RORA: variants seen among roughly 807,000 people sequenced by gnomAD.
RORA encodes RAR related orphan receptor A.
RORA carries 7 observed loss-of-function variants against 69.5 expected under a neutral mutation model. The ratio of observed to expected loss-of-function variants is 0.10; its 90% confidence interval spans 0.06 to 0.19. The LOEUF is 0.19. Ranked by LOEUF, RORA falls within the 10% of genes least tolerant of loss-of-function variation. The probability of loss-of-function intolerance (pLI) is 1.00; values close to 1 mark genes in which losing one functional copy is unlikely to be tolerated. For missense variants in RORA, 457 were observed against 663.0 expected (o/e 0.69, Z 3.41); for synonymous variants, 261 against 240.8 (o/e 1.08, Z -0.78).
intron 2 of RORA, among the ~76,000 whole-genome samples, chr15:60,590,173 CTA>C (rs1041485406): frequency 3.7e-4 from 47 of 127,734 alleles, no homozygotes; most frequent in African/African-American, 1.5e-3. Flanking sequence ...CCCTCTTCCT[CTA>C]TCTCTCTCTC....
At chr15:61,035,092 C>T (rs1011572236) in intron 1 of RORA, among the ~76,000 whole-genome samples, 1 of 152,148 alleles carries the variant, frequency 6.6e-6, no homozygotes, top group Non-Finnish European at 1.5e-5. Flanking sequence ...TATCTTTGTA[C>T]AGTAATTGGG....
intron 1 of RORA, among the ~76,000 whole-genome samples, chr15:61,107,062 G>A (rs1192631559): frequency 6.6e-6 from 1 of 152,178 alleles, no homozygotes; most frequent in East Asian, 1.9e-4. Context: ...CTTGGCCCTG[G>A]CTACATTCAT....
chr15:61,004,079 C>A lies in RORA; in HGVS notation c.166+224974G>T, dbSNP rs542536948. Among the ~76,000 whole-genome samples, 6 of 152,184 alleles carry A rather than the reference C, an allele frequency of 3.9e-5. No homozygotes were observed. In the East Asian group the frequency reaches 5.8e-4, roughly 15 times the overall value. ...CACGCCACAGGGAGCTTCTGTCACA[C>A]GGTTCAGATCCCAGAGTGAAGGGGA... On this transcript the variant is annotated intron_variant, in intron 1 of 10. Transcript: ENST00000335670.
rs1346716809 is a variant in RORA at position 60,490,073 on chromosome 15, T to A, written c.*7382A>T. 1.3e-5 allele frequency: 2 copies of A among 151,890 alleles called. No individual in the cohort carries two copies. The highest frequency in any genetic ancestry group is 2.9e-5 in the Non-Finnish European group (2 of 67,942). The allele number at this position is 151,890 out of a possible 1,614,324, so 9.4% of individuals were successfully genotyped here. A position where few individuals can be genotyped will look rare whatever the true frequency, so the allele number is the denominator to read the frequency against. ...CCTAATTAAATACACTCTAGAATAA[T>A]TTATATAATGATATTATGTATTTAA... On this transcript the variant is annotated 3_prime_UTR_variant, in exon 11 of 11. Coordinates refer to ENST00000335670, the MANE Select transcript of RORA (RefSeq NM_134261.3). This position sits in a 1 kb window ranked among gnomAD's most constrained non-coding sequence, Gnocchi z 4.1.
At chr15:60,544,123 G>A (rs1456436685) in intron 2 of RORA, among the ~76,000 whole-genome samples, 3 of 152,126 alleles carry the variant, frequency 2.0e-5, no homozygotes, top group South Asian at 2.1e-4. Context: ...TGCCTGTAAC[G>A]CTTTGTGACC....
intron 3 of RORA, among the ~76,000 whole-genome samples, chr15:60,519,411 C>G (rs756360661): frequency 6.6e-6 from 1 of 152,148 alleles, no homozygotes; most frequent in Admixed American, 6.5e-5. Context: ...TCAGAGTCCT[C>G]GCTGTAGCAT....
At chr15:60,540,809 C>T (rs2066848492) in intron 2 of RORA, among the ~76,000 whole-genome samples, 1 of 152,150 alleles carries the variant, frequency 6.6e-6, no homozygotes, top group African/African-American at 2.4e-5. Context: ...TTGGAAATAA[C>T]TTAGAACATT....
intron 1 of RORA, among the ~76,000 whole-genome samples, chr15:61,004,434 A>G (rs898861906): frequency 6.0e-5 from 9 of 151,098 alleles, no homozygotes; most frequent in Admixed American, 2.0e-4. Flanking sequence ...TTTTCAGGCC[A>G]TAAGTATTTC....
intron 1 of RORA, among the ~76,000 whole-genome samples, chr15:60,851,014 C>T (rs2073318244): frequency 6.6e-6 from 1 of 152,138 alleles, no homozygotes; most frequent in Non-Finnish European, 1.5e-5. Flanking sequence ...CAGTCTGTTG[C>T]TGAGTGAGTG....
intron 1 of RORA, among the ~76,000 whole-genome samples, chr15:60,738,560 C>A (rs1253161804): frequency 6.6e-6 from 1 of 152,208 alleles, no homozygotes; most frequent in African/African-American, 2.4e-5. Flanking sequence ...TTTATGATAT[C>A]GTTGGTATTA....
intron 1 of RORA, among the ~76,000 whole-genome samples, chr15:61,048,876 A>C (rs935459884): frequency 6.6e-6 from 1 of 152,166 alleles, no homozygotes; most frequent in Admixed American, 6.5e-5. Context: ...GTCAAGGATC[A>C]TCCTGATGCA....
At chr15:60,926,299 G>A (rs1892216865) in intron 1 of RORA, among the ~76,000 whole-genome samples, 1 of 152,200 alleles carries the variant, frequency 6.6e-6, no homozygotes, top group African/African-American at 2.4e-5. Flanking sequence ...AACCTGGAAG[G>A]CACCCTATCT....
intron 6 of RORA, 65 bp from the exon 7 acceptor site, chr15:60,503,732 A>C: frequency 6.3e-7 from 1 of 1,590,494 alleles, no homozygotes; most frequent in East Asian, 2.2e-5. Context: ...CAGAAGCTGC[A>C]GAGTTATGAA....
chr15:60,711,614 C>A (rs529050045), intron 1 of RORA, among the ~76,000 whole-genome samples: 3 of 152,144 alleles, frequency 2.0e-5, no homozygotes, highest in Admixed American at 2.0e-4. Flanking sequence ...TGAGGGTCTC[C>A]TTCCTCTGTC....
At position 60,840,923 on chromosome 15, in the gene RORA, T is replaced by C. The variant is rs149284640; in HGVS notation, c.167-162237A>G. On this transcript the variant is annotated intron_variant, in intron 1 of 10. Coordinates refer to ENST00000335670, the MANE Select transcript of RORA (RefSeq NM_134261.3). ...AGCTGTTACCCAAAAAAAGCAACAC[T>C]GAGTTGGGTGTAGAGATAACTATCT... 1.6e-3 allele frequency: 332 copies of C among 201,788 alleles called. 1 individual carries two copies. Among genetic ancestry groups the C allele is most frequent in the African/African-American group, 7.6e-3 (323 of 42,382 alleles). The allele number at this position is 201,788 out of a possible 1,614,324, so 12.5% of individuals were successfully genotyped here.
chr15:61,173,088 T>A (rs1337192787), intron 1 of RORA, among the ~76,000 whole-genome samples: 1 of 152,202 alleles, frequency 6.6e-6, no homozygotes, highest in Non-Finnish European at 1.5e-5. Flanking sequence ...TCTTTCCTGG[T>A]ATTAATAACA....
chr15:60,722,535 T>G (rs1193368463), intron 1 of RORA, among the ~76,000 whole-genome samples: 1 of 152,234 alleles, frequency 6.6e-6, no homozygotes, highest in Non-Finnish European at 1.5e-5. Flanking sequence ...ATCACCCACA[T>G]GCAACAGGCT....
chr15:61,048,487 C>T (rs1897142760), intron 1 of RORA, among the ~76,000 whole-genome samples: 1 of 152,204 alleles, frequency 6.6e-6, no homozygotes, highest in Non-Finnish European at 1.5e-5. Flanking sequence ...GGACAAGACT[C>T]CTGTCCCGGG....
At chr15:61,011,043 G>C (rs998813541) in intron 1 of RORA, among the ~76,000 whole-genome samples, 9 of 152,200 alleles carry the variant, frequency 5.9e-5, no homozygotes, top group Non-Finnish European at 4.4e-5. Flanking sequence ...TTCTGATGAA[G>C]TCAAGTGCGA....
Sources: allele counts gnomAD v4.1 joint callset (sites outside exome capture counted in the v4.1 genomes callset), GRCh38; gene constraint gnomAD v4.1.1; non-coding constraint Gnocchi (gnomAD v3.1); transcripts MANE v1.5; gene names NCBI Gene and HGNC (gene_info 2026-07-23, HGNC 2026-07-21).